The following CHTOP variants were observed in gnomAD, a reference collection of about 807,000 sequenced individuals.
CHTOP encodes chromatin target of PRMT1, also known as chromatin target of PRMT1 protein.
CHTOP carries 18 observed loss-of-function variants against 33.6 expected under a neutral mutation model. The observed-to-expected ratio is 0.54, with a 90% CI of 0.37 to 0.80. The LOEUF (loss-of-function observed/expected upper bound fraction) is 0.80, where lower values mean the gene tolerates loss of function less well. Ranked by LOEUF, CHTOP falls within the 30% of genes least tolerant of loss-of-function variation. The pLI is 0.00. For synonymous variants in CHTOP, 117 were observed against 127.7 expected (o/e 0.92, Z 0.56); for missense variants, 263 against 336.8 (o/e 0.78, Z 1.71).
chr1:153,636,745 A>G, intron 2 of CHTOP, 92 bp downstream of exon 2: 1 of 1,040,294 alleles, frequency 9.6e-7, no homozygotes, highest in Non-Finnish European at 1.5e-6. Context: ...ATTTTAAGCT[A>G]AATACCAACA....
At chr1:153,636,273 A>T (rs1052044507) in intron 1 of CHTOP, among the ~76,000 whole-genome samples, 4 of 151,924 alleles carry the variant, frequency 2.6e-5, no homozygotes, top group African/African-American at 9.7e-5. Flanking sequence ...ATAGAAACTT[A>T]AGAACTTTTG....
chr1:153,638,009 T>C (rs892433315), intron 2 of CHTOP: 1 of 383,934 alleles, frequency 2.6e-6, no homozygotes, highest in African/African-American at 2.1e-5. Context: ...TCATATCTGC[T>C]TATTGCGTGT....
intron 3 of CHTOP, among the ~76,000 whole-genome samples, chr1:153,641,791 G>A (rs1024328571): frequency 5.3e-5 from 8 of 152,326 alleles, no homozygotes; most frequent in Admixed American, 6.5e-5. Flanking sequence ...TTTGCCCAGA[G>A]TGTGATGAAC....
intron 3 of CHTOP, among the ~76,000 whole-genome samples, chr1:153,640,026 A>G (rs1432550027): frequency 5.3e-5 from 8 of 152,106 alleles, no homozygotes; most frequent in Non-Finnish European, 1.0e-4. Flanking sequence ...TGCCTGCCTC[A>G]GTATCCCAAA....
chr1:153,645,068 G>A lies in CHTOP; in HGVS notation c.546G>A (p.Arg182=), dbSNP rs145696354. 7.9e-5 allele frequency: 127 copies of A among 1,612,288 alleles called. No individual in the cohort carries two copies. In the African/African-American group the frequency reaches 1.5e-3, roughly 19 times the overall value. The stretch of plus-strand genomic sequence containing the variant: ...TTTTTTTCCCCTTTGGGCCAGGTCG[G>A]GGTATGATAGGTCGGGGAAGAGGGG... ...MGRGGIGGRG[R]GMIGRGRGGF... is the part of the protein sequence containing the mutation. The change falls in exon 6 of 6, where the codon CGG becomes CGA. Residue 182 remains arginine, a synonymous_variant. Coordinates refer to ENST00000368694, the MANE Select transcript of CHTOP (RefSeq NM_015607.4).
intron 4 of CHTOP, 72 bp downstream of exon 4, chr1:153,642,501 CGTTT>C: frequency 1.5e-6 from 2 of 1,292,048 alleles, no homozygotes; most frequent in Non-Finnish European, 2.1e-6. Context: ...CTTATGGACA[CGTTT>C]GTTTAACATC....
Position 153,645,616 on chromosome 1 carries a change from G to A in CHTOP, c.*347G>A. 3.8e-6 allele frequency: 1 copy of A among 261,324 alleles called. No individual in the cohort carries two copies. The highest frequency in any genetic ancestry group is 9.1e-5 in the East Asian group (1 of 10,974). 16.2% of individuals were successfully genotyped at this position (261,324 alleles called of 1,614,324 possible). ...TCTCCCCTCACTTGTCATATGCTCT[G>A]ACATGCTAACATTTCTTTTGTTCAT... On this transcript the variant is annotated 3_prime_UTR_variant, in exon 6 of 6. Coordinates refer to ENST00000368694, the MANE Select transcript of CHTOP (RefSeq NM_015607.4).
Position 153,639,389 on chromosome 1 carries a change from A to C in CHTOP, c.219+941A>C, listed in dbSNP as rs906931696. Reference sequence around the variant, plus strand: ...ATAGAATTTATATGCAAGTCCGGACAGTGGCTGTGGAAGGATATGTCCAAG... The same window carrying C: ...ATAGAATTTATATGCAAGTCCGGACCGTGGCTGTGGAAGGATATGTCCAAG... On this transcript the variant is annotated intron_variant, in intron 3 of 5. Transcript: ENST00000368694. 13 of 980,282 alleles carry C rather than the reference A, an allele frequency of 1.3e-5. No homozygotes were observed. In the African/African-American group the frequency reaches 1.9e-4, roughly 15 times the overall value. 60.7% of individuals were successfully genotyped at this position (980,282 alleles called of 1,614,324 possible). A position where few individuals can be genotyped will look rare whatever the true frequency, so the allele number is the denominator to read the frequency against.
intron 5 of CHTOP, chr1:153,644,151 G>A (rs1668720266): frequency 6.6e-6 from 1 of 152,144 alleles, no homozygotes; most frequent in Admixed American, 6.5e-5. Flanking sequence ...AAGGTGTCTT[G>A]GGTCTTCCAT....
intron 3 of CHTOP, among the ~76,000 whole-genome samples, chr1:153,640,305 T>C (rs536383867): frequency 8.2e-4 from 118 of 144,332 alleles, no homozygotes; most frequent in Non-Finnish European, 7.2e-4. Flanking sequence ...CAAAACCCCA[T>C]CTCTACTAAA....
intron 1 of CHTOP, among the ~76,000 whole-genome samples, chr1:153,635,014 C>T (rs538391087): frequency 1.7e-4 from 26 of 152,100 alleles, no homozygotes; most frequent in African/African-American, 5.8e-4. Flanking sequence ...CCACCACGCC[C>T]GGCTAATTTT....
At chr1:153,641,509 A>G (rs548869519) in intron 3 of CHTOP, among the ~76,000 whole-genome samples, 1 of 152,194 alleles carries the variant, frequency 6.6e-6, no homozygotes, top group Non-Finnish European at 1.5e-5. Context: ...TGGCTGGCTG[A>G]CTGTGGAGAT....
intron 3 of CHTOP, among the ~76,000 whole-genome samples, chr1:153,639,616 G>C (rs1668543098): frequency 6.6e-6 from 1 of 152,160 alleles, no homozygotes; most frequent in South Asian, 2.1e-4. Flanking sequence ...CCCTGACTCA[G>C]GAAAGCAGCA....
At position 153,643,375 on chromosome 1, in the gene CHTOP, T is replaced by C. The variant is rs1668695209; in HGVS notation, c.541+11T>C. On this transcript the variant is annotated intron_variant, in intron 5 of 5. Coordinates refer to ENST00000368694, the MANE Select transcript of CHTOP (RefSeq NM_015607.4). Reference sequence around the variant, plus strand: ...GAATCGGTGGTAGAGGTTAGTCAGCTACCAACTTCAGAGAGTAGCTCCCCC... The same window carrying C: ...GAATCGGTGGTAGAGGTTAGTCAGCCACCAACTTCAGAGAGTAGCTCCCCC... The C allele has an allele frequency of 6.6e-7, 1 of 1,526,380 alleles. No individual in the cohort carries two copies. Among genetic ancestry groups the C allele is most frequent in the East Asian group, 2.4e-5 (1 of 42,152 alleles). The allele number at this position is 1,526,380 out of a possible 1,614,324, so 94.6% of individuals were successfully genotyped here.
At chr1:153,636,470 T>C in intron 1 of CHTOP, 102 bp from the exon 2 acceptor site, 1 of 790,462 alleles carries the variant, frequency 1.3e-6, no homozygotes, top group Non-Finnish European at 2.1e-6. Context: ...TCTTTAGTCA[T>C]CAGTGATAAG....
chr1:153,643,283 G>A lies in CHTOP; in HGVS notation c.460G>A (p.Gly154Ser), dbSNP rs759242755. The change falls in exon 5 of 6, where the codon GGT becomes AGT. Residue 154 changes from glycine (G) to serine (S), a missense_variant. Transcript: ENST00000368694. The stretch of plus-strand genomic sequence containing the variant: ...AGCTCCCCGAATGGGCTTAAGAAGA[G>A]GTGGTGTTCGAGGTCGTGGAGGTCC... ...AVAPRMGLRR[G>S]GVRGRGGPGR... 1 of 1,614,080 alleles carries A rather than the reference G, an allele frequency of 6.2e-7. No homozygotes were observed. Among genetic ancestry groups the A allele is most frequent in the South Asian group, 1.1e-5 (1 of 91,066 alleles).
At chr1:153,638,882 CTTTT>C (rs34440523) in intron 3 of CHTOP, among the ~76,000 whole-genome samples, 26 of 142,554 alleles carry the variant, frequency 1.8e-4, no homozygotes, top group Admixed American at 4.8e-4. Flanking sequence ...CAAAGGTTTT[CTTTT>C]TTTTTTTTTT....
At chr1:153,636,747 A>G in intron 2 of CHTOP, 94 bp downstream of exon 2, 2 of 1,027,888 alleles carry the variant, frequency 1.9e-6, no homozygotes, top group Non-Finnish European at 3.0e-6. Flanking sequence ...TTTAAGCTAA[A>G]TACCAACAGA....
At chr1:153,639,524 C>T (rs1668538904) in intron 3 of CHTOP, 1 of 358,082 alleles carries the variant, frequency 2.8e-6, no homozygotes, top group Admixed American at 6.4e-5. Context: ...ACACCCCCAC[C>T]CTGAACCATT....
Sources: gnomAD v4.1 joint callset for allele counts (sites outside exome capture counted in the v4.1 genomes callset) on GRCh38, gnomAD v4.1.1 for gene constraint, MANE v1.5 for transcripts, NCBI Gene and HGNC (gene_info 2026-07-23, HGNC 2026-07-21) for gene names.